Variants in SAMD5 observed in about 807,000 individuals in gnomAD.
The protein encoded by SAMD5 is sterile alpha motif domain-containing protein 5.
SAMD5 carries 13 observed loss-of-function variants against 11.3 expected under a neutral mutation model. That is an observed-to-expected ratio of 1.15 (90% CI 0.75 to 1.83). SAMD5 has a LOEUF of 1.83. Among genes scored for constraint, SAMD5 ranks in the 40% most tolerant of loss-of-function variants. SAMD5 has a pLI of 0.00. For synonymous variants in SAMD5, 129 were observed against 111.3 expected (o/e 1.16, Z -1.00); for missense variants, 255 against 239.1 (o/e 1.07, Z -0.44).
chr6:147,749,424 TC>T, the SAMD5 span, among the ~76,000 whole-genome samples: 1 of 152,198 alleles, frequency 6.6e-6, no homozygotes, highest in Non-Finnish European at 1.5e-5. Flanking sequence ...CACCTTGGCC[TC>T]CCAGAGTGCT....
At chr6:147,790,770 TTCTCTCTCTCTCTCTCTCTCTC>T in the SAMD5 span, among the ~76,000 whole-genome samples, 231 of 88,232 alleles carry the variant, frequency 2.6e-3, no homozygotes, top group Middle Eastern at 7.1e-3. Context: ...CTCTCTCTCT[TTCTCTCTCTCTCTCTCTCTCTC>T]TCTCTCTCTC....
intron 1 of SAMD5, among the ~76,000 whole-genome samples, chr6:147,619,811 A>C (rs1477950791): frequency 6.6e-6 from 1 of 152,078 alleles, no homozygotes; most frequent in East Asian, 1.9e-4. Flanking sequence ...GACAAGGGGG[A>C]GGCCACCTAC....
chr6:147,896,375 G>A, the SAMD5 span, among the ~76,000 whole-genome samples: 2,610 of 152,122 alleles, frequency 0.017, 38 homozygotes, highest in East Asian at 0.045. Flanking sequence ...GGCTGGGGCT[G>A]GGGTTGGGGG....
At chr6:147,713,439 C>T (rs752443574) in intron 1 of SAMD5, among the ~76,000 whole-genome samples, 1 of 152,090 alleles carries the variant, frequency 6.6e-6, no homozygotes, top group Non-Finnish European at 1.5e-5. Flanking sequence ...CTGGGTTGTT[C>T]TGGATACCTC....
chr6:147,683,560 A>G (rs113887051), intron 1 of SAMD5, among the ~76,000 whole-genome samples: 4 of 151,962 alleles, frequency 2.6e-5, no homozygotes, highest in Non-Finnish European at 5.9e-5. Flanking sequence ...CTTTTTCTTC[A>G]TCTTTTTCTC....
At chr6:147,862,113 G>A in the SAMD5 span, among the ~76,000 whole-genome samples, 1 of 151,812 alleles carries the variant, frequency 6.6e-6, no homozygotes, top group African/African-American at 2.4e-5. Context: ...CACCATACGC[G>A]ATTGACAAAT....
chr6:147,885,589 T>C, the SAMD5 span, among the ~76,000 whole-genome samples: 1,180 of 151,968 alleles, frequency 7.8e-3, 28 homozygotes, highest in Admixed American at 0.041. Flanking sequence ...TTTAAGGAAA[T>C]GCAAAAAATT....
chr6:147,825,365 A>G, the SAMD5 span, among the ~76,000 whole-genome samples: 2 of 152,218 alleles, frequency 1.3e-5, no homozygotes, highest in Admixed American at 6.5e-5. Context: ...TTTGTAGTGT[A>G]TCTTCTTTAC....
chr6:147,896,755 A>C, the SAMD5 span, among the ~76,000 whole-genome samples: 4 of 142,422 alleles, frequency 2.8e-5, no homozygotes, highest in Non-Finnish European at 4.5e-5. Flanking sequence ...AAAAAAAAAA[A>C]AAAAAAAACG....
intron 1 of SAMD5, among the ~76,000 whole-genome samples, chr6:147,536,059 C>A (rs936039865): frequency 1.3e-5 from 2 of 152,012 alleles, no homozygotes; most frequent in African/African-American, 4.8e-5. Flanking sequence ...TCTCGACTCA[C>A]TGCAAGCTCC....
the SAMD5 span, among the ~76,000 whole-genome samples, chr6:147,760,367 T>G: frequency 1.3e-5 from 2 of 152,148 alleles, no homozygotes; most frequent in Non-Finnish European, 2.9e-5. Flanking sequence ...TTATGTTTGA[T>G]TATTTTTTTG....
At chr6:147,876,699 G>T in the SAMD5 span, among the ~76,000 whole-genome samples, 2 of 152,202 alleles carry the variant, frequency 1.3e-5, no homozygotes, top group Non-Finnish European at 2.9e-5. Context: ...ACTTGGCAGA[G>T]AATAGTGATG....
chr6:147,949,303 A>G, the SAMD5 span, among the ~76,000 whole-genome samples: 68 of 152,328 alleles, frequency 4.5e-4, no homozygotes, highest in African/African-American at 1.6e-3. Flanking sequence ...CAAATACAGT[A>G]TATTTAACTC....
chr6:147,755,571 A>G, the SAMD5 span, among the ~76,000 whole-genome samples: 1 of 152,120 alleles, frequency 6.6e-6, no homozygotes. Context: ...TGTGCAATTC[A>G]ACTATATCAT....
chr6:147,803,834 A>G, the SAMD5 span, among the ~76,000 whole-genome samples: 1 of 152,042 alleles, frequency 6.6e-6, no homozygotes, highest in Non-Finnish European at 1.5e-5. Flanking sequence ...TTGTTACTCA[A>G]ACTTGTCTCC....
At chr6:147,715,298 CCAAA>C (rs1339433527) in intron 1 of SAMD5, among the ~76,000 whole-genome samples, 1 of 152,204 alleles carries the variant, frequency 6.6e-6, no homozygotes, top group Non-Finnish European at 1.5e-5. Flanking sequence ...AGCATGGGCT[CCAAA>C]CACTGTGCAC....
chr6:147,718,223 G>A (rs1347228703), intron 1 of SAMD5, among the ~76,000 whole-genome samples: 1 of 152,172 alleles, frequency 6.6e-6, no homozygotes, highest in Non-Finnish European at 1.5e-5. Context: ...CTGAAGAGTG[G>A]TGTATTTATT....
intron 1 of SAMD5, among the ~76,000 whole-genome samples, chr6:147,550,772 G>GTGAGGGA (rs1379137676): frequency 6.6e-6 from 1 of 152,152 alleles, no homozygotes; most frequent in East Asian, 1.9e-4. Flanking sequence ...GTGGGCAGAG[G>GTGAGGGA]TGAGGGATGA....
At chr6:147,758,862 C>G in the SAMD5 span, among the ~76,000 whole-genome samples, 1 of 152,102 alleles carries the variant, frequency 6.6e-6, no homozygotes, top group Non-Finnish European at 1.5e-5. Context: ...AAGAAGGGTA[C>G]TCTGTAAGAA....
Sources: gnomAD v4.1 joint callset for allele counts (sites outside exome capture counted in the v4.1 genomes callset) on GRCh38, gnomAD v4.1.1 for gene constraint, MANE v1.5 for transcripts, NCBI Gene and HGNC (gene_info 2026-07-23, HGNC 2026-07-21) for gene names.